The following FOXJ3 variants were observed in gnomAD, a reference collection of about 807,000 sequenced individuals.
FOXJ3 encodes the protein forkhead box J3.
A neutral mutation model predicts 76.1 loss-of-function variants in FOXJ3; 22 were observed. The observed-to-expected ratio is 0.29, with a 90% CI of 0.21 to 0.41. The LOEUF is 0.41. FOXJ3 is among the 10% of genes least tolerant of loss of function. The probability of loss-of-function intolerance (pLI) is 1.00; values close to 1 mark genes in which losing one functional copy is unlikely to be tolerated. For missense variants in FOXJ3, 613 were observed against 762.1 expected, an observed-to-expected ratio of 0.80 and a Z score of 2.30; for synonymous variants, 269 against 261.2, an observed-to-expected ratio of 1.03 and a Z score of -0.29.
At chr1:42,184,893 T>C (rs1262683676) in intron 11 of FOXJ3, among the ~76,000 whole-genome samples, 1 of 151,982 alleles carries the variant, frequency 6.6e-6, no homozygotes, top group African/African-American at 2.4e-5. Flanking sequence ...TTAGGTAGAG[T>C]GTGCTACCTA....
intron 4 of FOXJ3, among the ~76,000 whole-genome samples, chr1:42,260,964 T>C (rs984538043): frequency 3.9e-5 from 6 of 152,320 alleles, no homozygotes; most frequent in Non-Finnish European, 5.9e-5. Context: ...TAAGTTTAGA[T>C]AACTGTTGAA....
At chr1:42,200,853 A>G (rs571535400) in intron 6 of FOXJ3, among the ~76,000 whole-genome samples, 1 of 151,844 alleles carries the variant, frequency 6.6e-6, no homozygotes, top group Non-Finnish European at 1.5e-5. Context: ...CTTATTTTCT[A>G]CCCACCTCCT....
chr1:42,239,774 G>A (rs760645302), intron 4 of FOXJ3, among the ~76,000 whole-genome samples: 6 of 151,958 alleles, frequency 3.9e-5, no homozygotes, highest in Admixed American at 6.6e-5. Context: ...CTCCACAATC[G>A]CAAAAAATAT....
intron 2 of FOXJ3, among the ~76,000 whole-genome samples, chr1:42,307,770 G>C (rs191512572): frequency 6.6e-6 from 1 of 151,790 alleles, no homozygotes; most frequent in Admixed American, 6.6e-5. Flanking sequence ...AAATTTAGAG[G>C]GTCTTTTTCT....
chr1:42,331,339 G>A (rs887949775), intron 1 of FOXJ3, among the ~76,000 whole-genome samples: 1 of 152,020 alleles, frequency 6.6e-6, no homozygotes, highest in African/African-American at 2.4e-5. Context: ...CCGAGATGGC[G>A]CCACTGCACT....
chr1:42,226,959 T>C (rs1305321747), intron 5 of FOXJ3, among the ~76,000 whole-genome samples: 2 of 152,252 alleles, frequency 1.3e-5, no homozygotes, highest in African/African-American at 4.8e-5. Flanking sequence ...CCTATTCTCT[T>C]TGCCCTGATT....
chr1:42,199,815 G>A (rs1421921467), intron 6 of FOXJ3, among the ~76,000 whole-genome samples: 1 of 151,640 alleles, frequency 6.6e-6, no homozygotes, highest in Non-Finnish European at 1.5e-5. Context: ...AGAAGGGGCT[G>A]AGGATTCCTG....
rs146244038 is a variant in FOXJ3, at chr1:42,330,927, A to T, written c.-18+4132T>A. ...AGAATGTATGAGAAAATGTATATAA[A>T]CCAATAAAACACTATATGAATGTTC... On this transcript the variant is annotated intron_variant, in intron 1 of 12. Transcript: ENST00000361346. Among the ~76,000 whole-genome samples, 647 of 152,258 alleles carry T rather than the reference A, an allele frequency of 4.2e-3. 4 individuals carry two copies. The highest frequency in any genetic ancestry group is 0.015 in the African/African-American group (603 of 41,528).
At chr1:42,211,533 C>T (rs558966186) in intron 5 of FOXJ3, among the ~76,000 whole-genome samples, 1 of 151,856 alleles carries the variant, frequency 6.6e-6, no homozygotes, top group Admixed American at 6.6e-5. Context: ...GAACTTTGCC[C>T]ACCACTGGGG....
intron 2 of FOXJ3, among the ~76,000 whole-genome samples, chr1:42,288,206 T>C (rs986366838): frequency 2.0e-5 from 3 of 152,226 alleles, no homozygotes; most frequent in South Asian, 2.1e-4. Flanking sequence ...GTTGTAAAGA[T>C]TGATGAACAC....
intron 1 of FOXJ3, among the ~76,000 whole-genome samples, chr1:42,316,828 T>C (rs1265413969): frequency 1.3e-5 from 2 of 152,006 alleles, no homozygotes; most frequent in Non-Finnish European, 2.9e-5. Context: ...GCTATGAGGA[T>C]GCAAAGGCAT....
chr1:42,251,779 C>T (rs1378400880), intron 4 of FOXJ3, among the ~76,000 whole-genome samples: 6 of 133,990 alleles, frequency 4.5e-5, no homozygotes, highest in East Asian at 4.5e-4. Context: ...AGTGCAGTGG[C>T]GCGATCTCGA....
intron 6 of FOXJ3, among the ~76,000 whole-genome samples, chr1:42,204,933 G>T (rs930491934): frequency 2.0e-5 from 3 of 152,122 alleles, no homozygotes; most frequent in African/African-American, 7.2e-5. Context: ...TGATGTATGT[G>T]TATGTGTTCA....
At chr1:42,185,682 C>T (rs374002695) in intron 11 of FOXJ3, among the ~76,000 whole-genome samples, 3 of 152,002 alleles carry the variant, frequency 2.0e-5, no homozygotes, top group East Asian at 3.8e-4. Context: ...TGCATTCCTA[C>T]CTATATTTAA....
intron 2 of FOXJ3, among the ~76,000 whole-genome samples, chr1:42,287,432 G>A (rs1430997928): frequency 6.6e-6 from 1 of 152,092 alleles, no homozygotes; most frequent in African/African-American, 2.4e-5. Flanking sequence ...AATGAGAACT[G>A]GTCAGGGTTC....
intron 4 of FOXJ3, among the ~76,000 whole-genome samples, chr1:42,237,415 T>C (rs896676644): frequency 1.2e-4 from 17 of 146,578 alleles, no homozygotes; most frequent in East Asian, 7.8e-4. Context: ...CATATATATA[T>C]ATATATATAT....
chr1:42,258,776 C>CT (rs1191348655), intron 4 of FOXJ3, among the ~76,000 whole-genome samples: 1 of 152,096 alleles, frequency 6.6e-6, no homozygotes, highest in East Asian at 1.9e-4. Context: ...ACATATCTTG[C>CT]TTTTAAATCA....
chr1:42,205,635 C>A lies in FOXJ3; in HGVS notation c.630+127G>T, dbSNP rs1459921718. 2.4e-5 allele frequency: 15 copies of A among 625,322 alleles called. No individual in the cohort carries two copies. The Admixed American group carries it at 4.5e-4, about 19-fold the overall frequency. The allele number at this position is 625,322 out of a possible 1,614,324, so 38.7% of individuals were successfully genotyped here. ...ATTCTGAATTTAGCCTTCAAGCTAC[C>A]ATGCATAGGGTAGACAAATTTATAT... On this transcript the variant is annotated intron_variant, in intron 6 of 12. Transcript: ENST00000361346.
intron 1 of FOXJ3, among the ~76,000 whole-genome samples, chr1:42,329,954 G>A (rs1211934360): frequency 1.3e-5 from 2 of 152,004 alleles, no homozygotes; most frequent in African/African-American, 2.4e-5. Flanking sequence ...AGACTACAAG[G>A]GTTCAAATCC....
Sources: gnomAD v4.1 joint callset for allele counts (sites outside exome capture counted in the v4.1 genomes callset) on GRCh38, gnomAD v4.1.1 for gene constraint, MANE v1.5 for transcripts, NCBI Gene and HGNC (gene_info 2026-07-23, HGNC 2026-07-21) for gene names.